Variants in SLC12A8 observed in about 807,000 individuals in gnomAD.
The protein encoded by SLC12A8 is cation-chloride cotransporter 9.
A neutral mutation model predicts 75.6 loss-of-function variants in SLC12A8; 69 were observed. That is an observed-to-expected ratio of 0.91 (90% CI 0.75 to 1.11). The LOEUF (loss-of-function observed/expected upper bound fraction) is 1.11. Among genes scored for constraint, SLC12A8 ranks in the 50% most tolerant of loss-of-function variants. The pLI, the probability that SLC12A8 is intolerant of heterozygous loss-of-function variation, is 0.00. For missense variants in SLC12A8, 877 were observed against 896.7 expected, an observed-to-expected ratio of 0.98 and a Z score of 0.28; for synonymous variants, 365 against 372.8, an observed-to-expected ratio of 0.98 and a Z score of 0.24.
At chr3:125,121,795 G>A (rs897847039) in intron 6 of SLC12A8, among the ~76,000 whole-genome samples, 11 of 152,146 alleles carry the variant, frequency 7.2e-5, no homozygotes, top group African/African-American at 1.2e-4. Context: ...GAATCCAAGC[G>A]AAGTGCAGTG....
intron 10 of SLC12A8, 67 bp downstream of exon 10, chr3:125,107,414 T>C (rs1939054794): frequency 7.1e-7 from 1 of 1,411,678 alleles, no homozygotes; most frequent in East Asian, 2.3e-5. Flanking sequence ...TCACAATAAC[T>C]GGGTAGGTAG....
intron 6 of SLC12A8, among the ~76,000 whole-genome samples, chr3:125,128,189 T>TTTTTA (rs1553788805): frequency 0.021 from 2,454 of 115,030 alleles, 38 homozygotes; most frequent in Non-Finnish European, 0.028. Context: ...TTTTATTTTT[T>TTTTTA]TTTTTTTTTG....
chr3:125,129,236 T>C (rs1466073215), intron 6 of SLC12A8, among the ~76,000 whole-genome samples: 1 of 152,254 alleles, frequency 6.6e-6, no homozygotes, highest in Non-Finnish European at 1.5e-5. Flanking sequence ...CATTTCCTAG[T>C]TCCTCTGTGA....
intron 10 of SLC12A8, among the ~76,000 whole-genome samples, chr3:125,105,249 A>G (rs550799738): frequency 6.6e-6 from 1 of 152,250 alleles, no homozygotes; most frequent in African/African-American, 2.4e-5. Context: ...GGGAATTATC[A>G]AAGAAAAACT....
intron 5 of SLC12A8, among the ~76,000 whole-genome samples, chr3:125,145,838 T>A (rs1186818953): frequency 6.6e-6 from 1 of 152,238 alleles, no homozygotes; most frequent in Non-Finnish European, 1.5e-5. Flanking sequence ...TTTCTTTCTT[T>A]CTTTTTTGAG....
chr3:125,158,075 C>T (rs552262571), intron 5 of SLC12A8, among the ~76,000 whole-genome samples: 2 of 152,230 alleles, frequency 1.3e-5, no homozygotes, highest in South Asian at 4.1e-4. Flanking sequence ...CGAATGTTAG[C>T]AAGACACAAC....
At chr3:125,120,306 TGGGG>T (rs1240318668) in intron 7 of SLC12A8, among the ~76,000 whole-genome samples, 1 of 31,358 alleles carries the variant, frequency 3.2e-5, no homozygotes, top group Non-Finnish European at 6.7e-5. Context: ...AAAATGGGGG[TGGGG>T]GAGGGACGGG....
rs570022369 is a variant in SLC12A8 at position 125,098,907 on chromosome 3, G to C, written c.1706-6709C>G. Reference sequence around the variant, plus strand: ...AAATCCTTGCTAGCCTGAAAGTGCAGACCCAGCTAGGGTGAGCAGAAGACC... The same window carrying C: ...AAATCCTTGCTAGCCTGAAAGTGCACACCCAGCTAGGGTGAGCAGAAGACC... On this transcript the variant is annotated intron_variant, in intron 10 of 13. Transcript: ENST00000469902. Among the ~76,000 whole-genome samples the C allele has an allele frequency of 7.2e-5, 11 of 152,312 alleles. No individual in the cohort carries two copies. The South Asian group carries it at 1.7e-3, about 23-fold the overall frequency.
intron 10 of SLC12A8, among the ~76,000 whole-genome samples, chr3:125,100,882 G>A (rs1411939031): frequency 2.0e-5 from 3 of 148,418 alleles, no homozygotes; most frequent in East Asian, 3.9e-4. Context: ...GCGCGGTGGC[G>A]GGCGCCTGTA....
Position 125,083,799 on chromosome 3 carries a change from C to G in SLC12A8, c.*91G>C. Reference sequence around the variant, plus strand: ...CAGCGGGAGGATGGGTCTTGAGTTTCTCAGGTTGGAGAAGCAGCTCCACGA... The same window carrying G: ...CAGCGGGAGGATGGGTCTTGAGTTTGTCAGGTTGGAGAAGCAGCTCCACGA... On this transcript the variant is annotated 3_prime_UTR_variant, in exon 14 of 14. Transcript: ENST00000469902. 2 of 1,281,984 alleles carry G rather than the reference C, an allele frequency of 1.6e-6. No homozygotes were observed. The highest frequency in any genetic ancestry group is 2.3e-5 in the Admixed American group (1 of 43,936). 79.4% of individuals were successfully genotyped at this position (1,281,984 alleles called of 1,614,324 possible).
At chr3:125,166,986 G>A (rs955614291) in intron 5 of SLC12A8, among the ~76,000 whole-genome samples, 2 of 152,160 alleles carry the variant, frequency 1.3e-5, no homozygotes, top group African/African-American at 4.8e-5. Flanking sequence ...GTCGGTGAAG[G>A]TACAGCTTAA....
At chr3:125,127,818 T>C (rs950048227) in intron 6 of SLC12A8, among the ~76,000 whole-genome samples, 3 of 152,186 alleles carry the variant, frequency 2.0e-5, no homozygotes, top group Non-Finnish European at 2.9e-5. Context: ...ATTATTTTGA[T>C]AAAACAATTA....
In SLC12A8 at chr3:125,120,633, T is replaced by C. The variant is rs756074195; in HGVS notation, c.790A>G (p.Ile264Val). ...GGDLREPAASIPLGSLAAVGI... is the reference protein window; with the variant it reads ...GGDLREPAASVPLGSLAAVGI... ...ACAGCTGCCAGGGAGCCCAGGGGAA[T>C]GCTGGCGGCAGGCTCCCTGAGGTCG... is the stretch of plus-strand genomic sequence containing the variant. The change falls in exon 7 of 14, where the codon ATT becomes GTT. Residue 264 changes from isoleucine to valine, a missense_variant. Transcript: ENST00000469902. 3.1e-6 allele frequency: 5 copies of C among 1,613,572 alleles called. No homozygotes were observed. Among genetic ancestry groups the C allele is most frequent in the Non-Finnish European group, 4.2e-6 (5 of 1,179,932 alleles).
intron 9 of SLC12A8, 86 bp downstream of exon 9, chr3:125,110,103 A>T: frequency 1.4e-6 from 2 of 1,398,580 alleles, no homozygotes; most frequent in Non-Finnish European, 2.0e-6. Flanking sequence ...CTCTGATCAG[A>T]AAAGCTTAAC....
intron 5 of SLC12A8, among the ~76,000 whole-genome samples, chr3:125,161,333 A>G (rs967473086): frequency 1.4e-4 from 21 of 152,272 alleles, no homozygotes; most frequent in Admixed American, 2.6e-4. Flanking sequence ...CTTAACAAAT[A>G]GAAATCCATA....
chr3:125,119,106 G>A (rs1489670542), intron 7 of SLC12A8: 1 of 332,636 alleles, frequency 3.0e-6, no homozygotes, highest in East Asian at 6.0e-5. Flanking sequence ...TAAAAATATG[G>A]AACACTTCAC....
At chr3:125,122,338 G>C (rs981691458) in intron 6 of SLC12A8, among the ~76,000 whole-genome samples, 4 of 152,084 alleles carry the variant, frequency 2.6e-5, no homozygotes, top group Admixed American at 2.0e-4. Flanking sequence ...AACTTTTAAG[G>C]TTTTGTTGTT....
chr3:125,118,516 C>A (rs921776309), intron 8 of SLC12A8, among the ~76,000 whole-genome samples: 1 of 152,176 alleles, frequency 6.6e-6, no homozygotes, highest in South Asian at 2.1e-4. Flanking sequence ...GTAGTCCCAG[C>A]TACCTGGCGG....
intron 6 of SLC12A8, among the ~76,000 whole-genome samples, chr3:125,126,679 A>G (rs942958317): frequency 7.2e-5 from 11 of 152,244 alleles, no homozygotes; most frequent in Non-Finnish European, 1.5e-4. Flanking sequence ...TAGTTCATAA[A>G]GGACTACTTA....
Sources: gnomAD v4.1 joint callset for allele counts (sites outside exome capture counted in the v4.1 genomes callset) on GRCh38, gnomAD v4.1.1 for gene constraint, MANE v1.5 for transcripts, NCBI Gene and HGNC (gene_info 2026-07-23, HGNC 2026-07-21) for gene names.